Variants in DIP2C observed in about 807,000 individuals in gnomAD.
DIP2C encodes the protein DIP2 acetate--CoA ligase C (putative), also known as disco-interacting protein 2 homolog C.
In DIP2C, 33 loss-of-function variants were observed where a neutral mutation model predicts 192.4. The observed-to-expected ratio is 0.17, with a 90% CI of 0.13 to 0.23. DIP2C has a LOEUF of 0.23. DIP2C is among the 10% of genes least tolerant of loss of function. DIP2C has a pLI of 1.00. For synonymous variants in DIP2C, 979 were observed against 864.1 expected (o/e 1.13, Z -2.33); for missense variants, 1,537 against 2,110.1 (o/e 0.73, Z 5.32).
Position 456,176 on chromosome 10 carries a change from G to A in DIP2C, c.269-15180C>T, listed in dbSNP as rs1371816186. Among the ~76,000 whole-genome samples, 5 of 132,110 alleles carry A rather than the reference G, an allele frequency of 3.8e-5. No individual in the cohort carries two copies. In the East Asian group the frequency reaches 1.2e-3, roughly 31 times the overall value. The allele number at this position is 132,110 out of a possible 152,430, so 86.7% of individuals were successfully genotyped here. On this transcript the variant is annotated intron_variant, in intron 3 of 36. Coordinates refer to ENST00000280886, the MANE Select transcript of DIP2C (RefSeq NM_014974.3). Reference sequence around the variant, plus strand: ...CTCTGCAGTGAGTCCCTGCCTGAGGGGAGACTGTGAGGAGTAAATGAGATG... The same window carrying A: ...CTCTGCAGTGAGTCCCTGCCTGAGGAGAGACTGTGAGGAGTAAATGAGATG...
intron 3 of DIP2C, among the ~76,000 whole-genome samples, chr10:449,781 TTAAAAA>T (rs1968686917): frequency 7.8e-6 from 1 of 128,678 alleles, no homozygotes; most frequent in African/African-American, 3.0e-5. Context: ...TAAAGTATAA[TTAAAAA>T]AAAAAAAAAA....
intron 1 of DIP2C, chr10:631,119 T>G (rs1272599484): frequency 1.3e-5 from 2 of 152,260 alleles, no homozygotes; most frequent in African/African-American, 4.8e-5. Flanking sequence ...CTGACTCAAT[T>G]AATTCAAACG....
chr10:515,989 G>A (rs1399124074), intron 1 of DIP2C, among the ~76,000 whole-genome samples: 2 of 151,854 alleles, frequency 1.3e-5, no homozygotes, highest in African/African-American at 4.8e-5. Context: ...ATATGTCTGT[G>A]CTCAAACCAG....
At chr10:349,673 C>T (rs144699435) in intron 24 of DIP2C, among the ~76,000 whole-genome samples, 114 of 152,318 alleles carry the variant, frequency 7.5e-4, no homozygotes, top group African/African-American at 2.7e-3. Context: ...TTTCTTCCAA[C>T]TAGGTAAGCA....
intron 32 of DIP2C, among the ~76,000 whole-genome samples, chr10:297,398 TCA>T (rs1955814107): frequency 6.6e-6 from 1 of 152,090 alleles, no homozygotes; most frequent in African/African-American, 2.4e-5. Flanking sequence ...GCAGCCTGAT[TCA>T]CAATACCCAA....
At chr10:480,634 G>A (rs889827817) in intron 2 of DIP2C, among the ~76,000 whole-genome samples, 6 of 152,264 alleles carry the variant, frequency 3.9e-5, no homozygotes, top group Non-Finnish European at 8.8e-5. Flanking sequence ...CCTCCCCACT[G>A]GAGACACACC....
chr10:315,177 C>T (rs1956724034), intron 31 of DIP2C, among the ~76,000 whole-genome samples: 1 of 152,222 alleles, frequency 6.6e-6, no homozygotes, highest in Non-Finnish European at 1.5e-5. Context: ...CCTGTTGTCT[C>T]ATCTGTTATT....
intron 1 of DIP2C, among the ~76,000 whole-genome samples, chr10:621,231 T>C (rs55712957): frequency 0.11 from 16,276 of 152,122 alleles, 1,238 homozygotes; most frequent in African/African-American, 0.21. Context: ...ACACACCTTC[T>C]GTACATGCTC....
chr10:442,844 A>G lies in DIP2C; in HGVS notation c.269-1848T>C, dbSNP rs79027945. On this transcript the variant is annotated intron_variant, in intron 3 of 36. Transcript: ENST00000280886. ...TGTCAACTGTCTCCATAATTTTCTT[A>G]CTTTGTCTTCCTATTTTATGATCCA... Among the ~76,000 whole-genome samples the G allele has an allele frequency of 1.4e-3, 212 of 152,292 alleles. 2 individuals carry two copies. The highest frequency in any genetic ancestry group is 5.0e-3 in the African/African-American group (209 of 41,542).
Position 582,389 on chromosome 10 carries a change from G to A in DIP2C, c.86-95859C>T, listed in dbSNP as rs183169008. Among the ~76,000 whole-genome samples, 28 of 152,304 alleles carry A rather than the reference G, an allele frequency of 1.8e-4. 1 individual carries two copies. In the South Asian group the frequency reaches 2.5e-3, roughly 14 times the overall value. On this transcript the variant is annotated intron_variant, in intron 1 of 36. Coordinates refer to ENST00000280886, the MANE Select transcript of DIP2C (RefSeq NM_014974.3). ...ACTTAACATAAAACAGAGTCACACC[G>A]GGGCAACATAACAAGACCCCATCCC... is the stretch of plus-strand genomic sequence containing the variant.
chr10:297,239 CAT>C (rs1323123345), intron 32 of DIP2C, among the ~76,000 whole-genome samples: 62 of 68,800 alleles, frequency 9.0e-4, no homozygotes, highest in African/African-American at 3.2e-3. Flanking sequence ...CACCCCACCA[CAT>C]ACACACACAC....
At chr10:598,388 A>G (rs1455246088) in intron 1 of DIP2C, among the ~76,000 whole-genome samples, 2 of 152,270 alleles carry the variant, frequency 1.3e-5, no homozygotes, top group Non-Finnish European at 2.9e-5. Context: ...AAATCAATGA[A>G]GAATCACAAC....
At chr10:486,968 C>A (rs1027060418) in intron 1 of DIP2C, among the ~76,000 whole-genome samples, 1 of 152,186 alleles carries the variant, frequency 6.6e-6, no homozygotes, top group African/African-American at 2.4e-5. Flanking sequence ...CCAAGCAGGT[C>A]GGTCACAAGG....
At chr10:436,059 A>G (rs1224311518) in intron 4 of DIP2C, among the ~76,000 whole-genome samples, 1 of 152,314 alleles carries the variant, frequency 6.6e-6, no homozygotes, top group Non-Finnish European at 1.5e-5. Flanking sequence ...TACAAAGAAA[A>G]TATTTTCTAT....
rs117783213 is a variant in DIP2C, at chr10:332,340, G to A, written c.3585-2739C>T. Reference sequence around the variant, plus strand: ...CTTGGGAACCCAGTGTGAATTCCTGGCCAGAGAATTTCAAATATACTTGTG... The same window carrying A: ...CTTGGGAACCCAGTGTGAATTCCTGACCAGAGAATTTCAAATATACTTGTG... On this transcript the variant is annotated intron_variant, in intron 29 of 36. Transcript: ENST00000280886. Among the ~76,000 whole-genome samples, 12 of 152,238 alleles carry A rather than the reference G, an allele frequency of 7.9e-5. No homozygotes were observed. In the East Asian group the frequency reaches 1.5e-3, roughly 20 times the overall value.
chr10:342,136 G>A lies in DIP2C; in HGVS notation c.3454-807C>T, dbSNP rs184881076. 2.1e-3 allele frequency among the ~76,000 whole-genome samples: 325 copies of A among 152,212 alleles called. 2 individuals are homozygous for A. The highest frequency in any genetic ancestry group is 9.6e-3 in the Admixed American group (147 of 15,290). On this transcript the variant is annotated intron_variant, in intron 28 of 36. Transcript: ENST00000280886. ...GTTTGAACAGCAAGTCATGGAGGAA[G>A]GGGTTCTCGTGTAACCCACTCTCTC...
At chr10:607,965 C>T (rs759231868) in intron 1 of DIP2C, among the ~76,000 whole-genome samples, 8 of 151,804 alleles carry the variant, frequency 5.3e-5, no homozygotes, top group Non-Finnish European at 1.0e-4. Context: ...CTGAGGCTTG[C>T]GGCTACAGAC....
At chr10:443,347 G>T (rs1396679018) in intron 3 of DIP2C, among the ~76,000 whole-genome samples, 1 of 152,044 alleles carries the variant, frequency 6.6e-6, no homozygotes, top group East Asian at 1.9e-4. Context: ...TGAACTCATG[G>T]AGTCTGGCTT....
intron 18 of DIP2C, among the ~76,000 whole-genome samples, chr10:366,833 G>T (rs1260912056): frequency 3.3e-5 from 5 of 152,158 alleles, no homozygotes; most frequent in Non-Finnish European, 7.4e-5. Context: ...CACACTCCGT[G>T]CAAGGTGAGC....
Sources: gnomAD v4.1 joint callset for allele counts (sites outside exome capture counted in the v4.1 genomes callset) on GRCh38, gnomAD v4.1.1 for gene constraint, MANE v1.5 for transcripts, NCBI Gene and HGNC (gene_info 2026-07-23, HGNC 2026-07-21) for gene names.